The following SCFD2 variants were observed in gnomAD, a reference collection of about 807,000 sequenced individuals.
The protein encoded by SCFD2 is sec1 family domain containing 2.
A neutral mutation model predicts 58.9 loss-of-function variants in SCFD2; 54 were observed. That is an observed-to-expected ratio of 0.92 (90% CI 0.74 to 1.15). The LOEUF is 1.15. Among genes scored for constraint, SCFD2 ranks in the 50% most tolerant of loss-of-function variants. The pLI is 0.00. For synonymous variants in SCFD2, 321 were observed against 335.9 expected (o/e 0.96, Z 0.49); for missense variants, 805 against 836.6 (o/e 0.96, Z 0.47).
chr4:53,126,214 T>G (rs1367203547), intron 5 of SCFD2, among the ~76,000 whole-genome samples: 1 of 152,248 alleles, frequency 6.6e-6, no homozygotes, highest in African/African-American at 2.4e-5. Context: ...CTACCTTAGA[T>G]GCACAGTTGT....
chr4:52,895,574 T>C (rs1718987039), intron 7 of SCFD2, among the ~76,000 whole-genome samples: 1 of 152,202 alleles, frequency 6.6e-6, no homozygotes, highest in African/African-American at 2.4e-5. Flanking sequence ...TCTATCATTG[T>C]TGGACATTTG....
chr4:53,116,306 T>G (rs1486438396), intron 5 of SCFD2, among the ~76,000 whole-genome samples: 1 of 152,210 alleles, frequency 6.6e-6, no homozygotes, highest in Non-Finnish European at 1.5e-5. Context: ...GCTCTGCTCG[T>G]TGATATCACT....
intron 5 of SCFD2, among the ~76,000 whole-genome samples, chr4:53,060,172 A>AAAAAG (rs962605159): frequency 6.6e-6 from 1 of 152,178 alleles, no homozygotes; most frequent in African/African-American, 2.4e-5. Flanking sequence ...GTCAGGGTTT[A>AAAAAG]AAAAGAAAAG....
intron 5 of SCFD2, among the ~76,000 whole-genome samples, chr4:53,007,839 T>C (rs375339619): frequency 1.5e-4 from 23 of 152,310 alleles, no homozygotes; most frequent in African/African-American, 5.3e-4. Context: ...AGTCAGTACA[T>C]GAGAGAGCAT....
chr4:53,220,599 T>G (rs1729019870), intron 4 of SCFD2, among the ~76,000 whole-genome samples: 1 of 152,222 alleles, frequency 6.6e-6, no homozygotes, highest in Non-Finnish European at 1.5e-5. Context: ...ACCATACAAA[T>G]GTACACATAC....
At chr4:53,120,996 T>C (rs1305217135) in intron 5 of SCFD2, among the ~76,000 whole-genome samples, 1 of 152,234 alleles carries the variant, frequency 6.6e-6, no homozygotes, top group Non-Finnish European at 1.5e-5. Flanking sequence ...ATTCACTCAA[T>C]AGACGCTTGC....
chr4:53,071,279 G>C (rs564459845), intron 5 of SCFD2, among the ~76,000 whole-genome samples: 1 of 152,200 alleles, frequency 6.6e-6, no homozygotes, highest in South Asian at 2.1e-4. Context: ...ACATTAGAGA[G>C]GGAAATGAAC....
chr4:53,160,853 C>T (rs1351579238), intron 4 of SCFD2, among the ~76,000 whole-genome samples: 1 of 152,118 alleles, frequency 6.6e-6, no homozygotes, highest in Non-Finnish European at 1.5e-5. Context: ...GTCTGTGGAG[C>T]ATACAATTCT....
chr4:53,331,036 G>C (rs1455534289), intron 2 of SCFD2, among the ~76,000 whole-genome samples: 20 of 151,356 alleles, frequency 1.3e-4, no homozygotes, highest in Admixed American at 1.3e-3. Flanking sequence ...AATTCAACAA[G>C]AAGAGCTAAC....
chr4:53,253,681 T>C (rs866984834), intron 4 of SCFD2, among the ~76,000 whole-genome samples: 7 of 137,362 alleles, frequency 5.1e-5, no homozygotes, highest in Non-Finnish European at 1.1e-4. Context: ...TAGATGGGAA[T>C]TGAACAATGA....
rs56947576 is a variant in SCFD2 at position 52,875,355 on chromosome 4, A to G, written c.1963-1294T>C. 7.3e-3 allele frequency among the ~76,000 whole-genome samples: 1,113 copies of G among 152,272 alleles called. 17 individuals carry two copies. Among genetic ancestry groups the G allele is most frequent in the African/African-American group, 0.025 (1,055 of 41,548 alleles). On this transcript the variant is annotated intron_variant, in intron 8 of 8. Coordinates refer to ENST00000401642, the MANE Select transcript of SCFD2 (RefSeq NM_152540.4). Reference sequence around the variant, plus strand: ...GGGCTGGGGGCGTGATGTGCTTTGCAAGGGCCTGGTTAGGTTTTGCACAAG... The same window carrying G: ...GGGCTGGGGGCGTGATGTGCTTTGCGAGGGCCTGGTTAGGTTTTGCACAAG...
At chr4:53,361,353 C>T (rs1734543735) in intron 1 of SCFD2, among the ~76,000 whole-genome samples, 1 of 152,140 alleles carries the variant, frequency 6.6e-6, no homozygotes, top group Non-Finnish European at 1.5e-5. Context: ...ACACTTAACT[C>T]AATTTGTTGA....
intron 5 of SCFD2, among the ~76,000 whole-genome samples, chr4:52,923,664 C>G (rs1305302674): frequency 1.8e-4 from 27 of 151,966 alleles, no homozygotes; most frequent in Admixed American, 1.8e-3. Context: ...CTATGCCAAG[C>G]TTTGAGGAAA....
chr4:53,169,283 G>C (rs1041285671), intron 4 of SCFD2, among the ~76,000 whole-genome samples: 1 of 152,122 alleles, frequency 6.6e-6, no homozygotes, highest in African/African-American at 2.4e-5. Context: ...AGAATCTCTT[G>C]AACCTGGGAG....
intron 5 of SCFD2, among the ~76,000 whole-genome samples, chr4:53,091,793 C>T (rs1326046169): frequency 6.6e-6 from 1 of 152,104 alleles, no homozygotes; most frequent in South Asian, 2.1e-4. Flanking sequence ...GTTCCTTCTA[C>T]ATTCATTTTA....
At chr4:52,875,335 G>A (rs1246975685) in intron 8 of SCFD2, among the ~76,000 whole-genome samples, 2 of 152,148 alleles carry the variant, frequency 1.3e-5, no homozygotes, top group Non-Finnish European at 2.9e-5. Flanking sequence ...GGTCTGGGCT[G>A]GGGGCGTGAT....
intron 4 of SCFD2, among the ~76,000 whole-genome samples, chr4:53,241,691 G>A (rs926770353): frequency 6.6e-6 from 1 of 152,172 alleles, no homozygotes; most frequent in Non-Finnish European, 1.5e-5. Context: ...TCCGTCCCAT[G>A]CCAGCATGTA....
chr4:52,917,340 C>T (rs752398527), intron 6 of SCFD2, among the ~76,000 whole-genome samples: 1 of 152,156 alleles, frequency 6.6e-6, no homozygotes. Context: ...CAAGGTCACA[C>T]AGTTAGTAGA....
At position 52,969,043 on chromosome 4, in the gene SCFD2, T is replaced by A. The variant is rs1396193241; in HGVS notation, c.1562-48173A>T. Among the ~76,000 whole-genome samples, 3 of 152,264 alleles carry A rather than the reference T, an allele frequency of 2.0e-5. No individual in the cohort carries two copies. In the East Asian group the frequency reaches 5.8e-4, roughly 29 times the overall value. On this transcript the variant is annotated intron_variant, in intron 5 of 8. Transcript: ENST00000401642. The stretch of plus-strand genomic sequence containing the variant: ...GATTAGGTTTCTCACCCTCCACCAT[T>A]CCCCAGGTGATGTCCAATCACCCTG...
Sources: allele counts gnomAD v4.1 joint callset (sites outside exome capture counted in the v4.1 genomes callset), GRCh38; gene constraint gnomAD v4.1.1; transcripts MANE v1.5; gene names NCBI Gene and HGNC (gene_info 2026-07-23, HGNC 2026-07-21).